The following TMTC2 variants were observed in gnomAD, a reference collection of about 807,000 sequenced individuals.
The protein encoded by TMTC2 is transmembrane O-mannosyltransferase targeting cadherins 2.
In TMTC2, 43 loss-of-function variants were observed where a neutral mutation model predicts 82.4. The ratio of observed to expected loss-of-function variants is 0.52; its 90% CI spans 0.41 to 0.67. The LOEUF (loss-of-function observed/expected upper bound fraction) is 0.67, where lower values mean the gene tolerates loss of function less well. Ranked by LOEUF, TMTC2 falls within the 30% of genes least tolerant of loss-of-function variation. The probability of loss-of-function intolerance (pLI) is 0.00; values close to 1 mark genes in which losing one functional copy is unlikely to be tolerated. For missense variants in TMTC2, 919 were observed against 1,012.4 expected (o/e 0.91, Z 1.25); for synonymous variants, 408 against 381.9 (o/e 1.07, Z -0.80).
At chr12:82,790,645 G>A (rs1878424894) in intron 1 of TMTC2, among the ~76,000 whole-genome samples, 1 of 151,664 alleles carries the variant, frequency 6.6e-6, no homozygotes, top group South Asian at 2.1e-4. Flanking sequence ...CCTGGCCATG[G>A]TGAAACCCCG....
At chr12:82,842,475 GCAGA>G (rs766552101) in intron 1 of TMTC2, among the ~76,000 whole-genome samples, 71 of 152,284 alleles carry the variant, frequency 4.7e-4, no homozygotes, top group Admixed American at 1.0e-3. Context: ...AAAAACAGCA[GCAGA>G]CATAGTATAT....
intron 11 of TMTC2, among the ~76,000 whole-genome samples, chr12:83,130,090 G>T (rs980149777): frequency 3.3e-5 from 5 of 152,140 alleles, no homozygotes; most frequent in African/African-American, 1.2e-4. Context: ...AGTAAGGAAT[G>T]GTCTCCAACA....
At chr12:82,794,768 T>TGTTA (rs1285313100) in intron 1 of TMTC2, among the ~76,000 whole-genome samples, 2 of 152,132 alleles carry the variant, frequency 1.3e-5, no homozygotes, top group African/African-American at 4.8e-5. Context: ...ACTTTGGGAA[T>TGTTA]GTTATCTAAC....
At chr12:82,742,202 G>A (rs1419769303) in intron 1 of TMTC2, among the ~76,000 whole-genome samples, 1 of 152,054 alleles carries the variant, frequency 6.6e-6, no homozygotes, top group Admixed American at 6.6e-5. Flanking sequence ...TCCTGTGTCT[G>A]CATCCTTATG....
At position 82,719,010 on chromosome 12, in the gene TMTC2, T is replaced by C. The variant is rs539185251; in HGVS notation, c.83+31341T>C. Among the ~76,000 whole-genome samples the C allele has an allele frequency of 3.4e-5, 5 of 146,062 alleles. No individual in the cohort carries two copies. In the South Asian group the frequency reaches 1.1e-3, roughly 32 times the overall value. ...CTTTTAACATATATATTCAGAAAACTGGGTGCTAGTATATAGAGCTTAATA... is the reference window on the plus strand; with the variant it reads ...CTTTTAACATATATATTCAGAAAACCGGGTGCTAGTATATAGAGCTTAATA... On this transcript the variant is annotated intron_variant, in intron 1 of 11. Coordinates refer to ENST00000321196, the MANE Select transcript of TMTC2 (RefSeq NM_152588.3).
intron 3 of TMTC2, among the ~76,000 whole-genome samples, chr12:82,897,362 T>C (rs1016956500): frequency 4.6e-5 from 7 of 152,162 alleles, no homozygotes; most frequent in African/African-American, 1.7e-4. Context: ...TAGAAAGTAG[T>C]TTCCTTTAAA....
intron 8 of TMTC2, among the ~76,000 whole-genome samples, chr12:82,997,157 C>CCT (rs750382234): frequency 4.8e-4 from 20 of 41,326 alleles, no homozygotes; most frequent in African/African-American, 9.2e-4. Context: ...TTGATACTTC[C>CCT]CTCTCTCTCT....
intron 4 of TMTC2, among the ~76,000 whole-genome samples, chr12:82,948,989 T>C (rs191708771): frequency 1.1e-3 from 170 of 152,338 alleles, no homozygotes; most frequent in African/African-American, 4.0e-3. Flanking sequence ...GCGCTGCTTT[T>C]TAAATAATTT....
intron 1 of TMTC2, among the ~76,000 whole-genome samples, chr12:82,790,092 C>T (rs558702877): frequency 2.7e-5 from 4 of 150,464 alleles, no homozygotes; most frequent in Non-Finnish European, 5.9e-5. Flanking sequence ...GTCTCAGCTA[C>T]TTAGGAGGCT....
chr12:83,096,447 A>G (rs553427790), intron 11 of TMTC2, among the ~76,000 whole-genome samples: 1 of 151,632 alleles, frequency 6.6e-6, no homozygotes, highest in Admixed American at 6.6e-5. Flanking sequence ...TTATAAAGAC[A>G]TACCTGAGAC....
chr12:83,003,165 T>C (rs954083586), intron 8 of TMTC2, among the ~76,000 whole-genome samples: 1 of 152,158 alleles, frequency 6.6e-6, no homozygotes, highest in African/African-American at 2.4e-5. Context: ...TTCATCATCA[T>C]ATAATACCCT....
At chr12:83,025,672 C>A (rs1208485610) in intron 8 of TMTC2, among the ~76,000 whole-genome samples, 2 of 152,126 alleles carry the variant, frequency 1.3e-5, no homozygotes, top group Non-Finnish European at 2.9e-5. Flanking sequence ...AGGTGCCAAT[C>A]CAAGTTGTAG....
chr12:83,080,223 A>G (rs1883416025), intron 11 of TMTC2, among the ~76,000 whole-genome samples: 1 of 152,202 alleles, frequency 6.6e-6, no homozygotes, highest in Admixed American at 6.5e-5. Flanking sequence ...TTGAATTTGT[A>G]TAAACTGTAT....
intron 4 of TMTC2, among the ~76,000 whole-genome samples, chr12:82,937,769 T>TACAC (rs1565818333): frequency 1.4e-4 from 3 of 21,762 alleles, no homozygotes; most frequent in Non-Finnish European, 2.0e-4. Context: ...TATATATATA[T>TACAC]ATATATATAT....
At chr12:82,741,797 T>TG (rs1875422638) in intron 1 of TMTC2, among the ~76,000 whole-genome samples, 1 of 152,174 alleles carries the variant, frequency 6.6e-6, no homozygotes, top group South Asian at 2.1e-4. Context: ...GTCATGTATA[T>TG]GGGGGAGGAA....
intron 1 of TMTC2, among the ~76,000 whole-genome samples, chr12:82,695,540 G>A (rs1872748113): frequency 6.6e-6 from 1 of 152,158 alleles, no homozygotes; most frequent in Non-Finnish European, 1.5e-5. Context: ...TAAACATCTT[G>A]TTTTTGTTAA....
intron 9 of TMTC2, among the ~76,000 whole-genome samples, chr12:83,032,258 TA>T (rs1194501520): frequency 0.13 from 207 of 1,552 alleles, 4 homozygotes; most frequent in African/African-American, 0.25. Context: ...GAGAATATTT[TA>T]TATATATATA....
At chr12:82,801,741 G>A (rs1309903731) in intron 1 of TMTC2, among the ~76,000 whole-genome samples, 1 of 152,110 alleles carries the variant, frequency 6.6e-6, no homozygotes, top group Non-Finnish European at 1.5e-5. Flanking sequence ...GCCGATTGGT[G>A]TATTCACAAT....
chr12:82,769,063 C>CCA, intron 1 of TMTC2, among the ~76,000 whole-genome samples: 1 of 151,256 alleles, frequency 6.6e-6, no homozygotes, highest in African/African-American at 2.4e-5. Flanking sequence ...AGGGGCTAAG[C>CCA]CATATGCCTA....
Sources: gnomAD v4.1 joint callset for allele counts (sites outside exome capture counted in the v4.1 genomes callset) on GRCh38, gnomAD v4.1.1 for gene constraint, MANE v1.5 for transcripts, NCBI Gene and HGNC (gene_info 2026-07-23, HGNC 2026-07-21) for gene names.